PODN: variants seen among roughly 807,000 people sequenced by gnomAD.
PODN encodes podocan.
In PODN, 40 loss-of-function variants were observed where a neutral mutation model predicts 52.7. The ratio of observed to expected loss-of-function variants is 0.76; its 90% CI spans 0.59 to 0.99. The LOEUF is 0.99. PODN is among the 50% of genes least tolerant of loss of function. PODN has a pLI of 0.00. For missense variants in PODN, 720 were observed against 815.1 expected, an observed-to-expected ratio of 0.88 and a Z score of 1.42; for synonymous variants, 396 against 377.9, an observed-to-expected ratio of 1.05 and a Z score of -0.56.
intron 10 of PODN, among the ~76,000 whole-genome samples, chr1:53,084,241 G>A (rs950959565): frequency 5.3e-5 from 8 of 151,964 alleles, no homozygotes; most frequent in East Asian, 1.9e-4. Context: ...ATGAGGGGCT[G>A]TGGAGTCCTG....
chr1:53,078,293 T>C, intron 7 of PODN, 72 bp from the exon 8 acceptor site: 1 of 1,452,628 alleles, frequency 6.9e-7, no homozygotes. Flanking sequence ...CAGCCACATC[T>C]CTTGGGAATC....
chr1:53,083,208 A>G (rs966313354), intron 10 of PODN, among the ~76,000 whole-genome samples: 1 of 152,128 alleles, frequency 6.6e-6, no homozygotes, highest in Non-Finnish European at 1.5e-5. Flanking sequence ...GAGAGATGAG[A>G]GAGGGCAGAG....
At position 53,070,083 on chromosome 1, in the gene PODN, G is replaced by C; in HGVS notation, c.228G>C (p.Gln76His). The C allele has an allele frequency of 6.2e-7, 1 of 1,613,020 alleles. No individual in the cohort carries two copies. Among genetic ancestry groups the C allele is most frequent in the Non-Finnish European group, 8.5e-7 (1 of 1,180,022 alleles). The change falls in exon 2 of 11, where the codon CAG (glutamine) becomes CAC (histidine). Residue 76 changes from glutamine to histidine, a missense_variant. By Grantham distance (24) the Gln-to-His change is conservative. Coordinates refer to ENST00000312553, the MANE Select transcript of PODN (RefSeq NM_153703.5). The part of the protein sequence containing the change: ...VSCPRDCACS[Q>H]EGVVDCGGID... ...GCCCCCGAGACTGTGCCTGTTCCCA[G>C]GAGGGCGTCGTGGACTGTGGCGGTA...
At position 53,069,899 on chromosome 1, in the gene PODN, C is replaced by T. The variant is rs780589570; in HGVS notation, c.44C>T (p.Pro15Leu). The change falls in exon 2 of 11, where the codon CCA becomes CTA. Residue 15 changes from proline (P) to leucine (L), a missense_variant. By Grantham distance (98) the Pro-to-Leu change is moderately conservative. Coordinates refer to ENST00000312553, the MANE Select transcript of PODN (RefSeq NM_153703.5). ...RVLLLLLLLP[P>L]QLHLGPVLAV... ...CTGCTGCTCCTGCTGCTGCTGCCGC[C>T]ACAGCTGCACCTGGGACCTGTGCTT... is the stretch of plus-strand genomic sequence containing the variant. The T allele has an allele frequency of 1.9e-6, 3 of 1,569,202 alleles. No individual in the cohort carries two copies. Among genetic ancestry groups the T allele is most frequent in the Non-Finnish European group, 2.6e-6 (3 of 1,157,738 alleles).
chr1:53,078,195 A>G (rs1644224952), intron 7 of PODN, among the ~76,000 whole-genome samples, 170 bp from the exon 8 acceptor site: 2 of 152,208 alleles, frequency 1.3e-5, no homozygotes, highest in African/African-American at 4.8e-5. Flanking sequence ...TTCCTACACC[A>G]GAATATCATT....
chr1:53,063,463 A>G lies in PODN; in HGVS notation c.-56+1155A>G, dbSNP rs1643989263. 4 of 985,480 alleles carry G rather than the reference A, an allele frequency of 4.1e-6. No homozygotes were observed. In the South Asian group the frequency reaches 1.4e-4, roughly 35 times the overall value. 61.0% of individuals were successfully genotyped at this position (985,480 alleles called of 1,614,324 possible). ...TGGTCCCGTCCCCTATCCCTCCTTT[A>G]TATAGAAACCTTCCACACTGGGAAG... On this transcript the variant is annotated intron_variant, in intron 1 of 10. Coordinates refer to ENST00000312553, the MANE Select transcript of PODN (RefSeq NM_153703.5).
intron 9 of PODN, 22 bp downstream of exon 9, chr1:53,080,898 TG>T: frequency 6.2e-7 from 1 of 1,612,666 alleles, no homozygotes; most frequent in Middle Eastern, 1.7e-4. Context: ...CTCGCGGCCC[TG>T]TACACACCCC....
chr1:53,062,876 G>A (rs1643978499), intron 1 of PODN, among the ~76,000 whole-genome samples: 1 of 152,256 alleles, frequency 6.6e-6, no homozygotes, highest in Middle Eastern at 3.2e-3. Context: ...CCCGGCCACT[G>A]TGCCGCCCCA....
At chr1:53,082,344 C>T (rs1572280601) in intron 10 of PODN, among the ~76,000 whole-genome samples, 156 bp downstream of exon 10, 1 of 152,126 alleles carries the variant, frequency 6.6e-6, no homozygotes, top group Non-Finnish European at 1.5e-5. Flanking sequence ...TGTACCAGGC[C>T]GTGGGTGAAA....
In PODN at chr1:53,082,137, G is replaced by C; in HGVS notation, c.1818G>C (p.Glu606Asp). Residue 606 changes from glutamate (E) to aspartate (D), a missense_variant, in exon 10 of 11, where the codon GAG becomes GAC. Physicochemically the swap from Glu to Asp is conservative, Grantham distance 45 (BLOSUM62 2). Coordinates refer to ENST00000312553, the MANE Select transcript of PODN (RefSeq NM_153703.5). ...GKEKEEEEEE[E>D]EEEEETR ...AAAAGGAGGAGGAGGAAGAGGAGGA[G>C]GAGGAGGAAGAGGAAACAAGATAGT... 2.5e-6 allele frequency: 4 copies of C among 1,612,306 alleles called. No individual in the cohort carries two copies. The highest frequency in any genetic ancestry group is 3.4e-6 in the Non-Finnish European group (4 of 1,179,374).
chr1:53,083,570 T>A (rs1644324087), intron 10 of PODN, among the ~76,000 whole-genome samples: 1 of 152,194 alleles, frequency 6.6e-6, no homozygotes, highest in Non-Finnish European at 1.5e-5. Flanking sequence ...ATCCCTCCAG[T>A]CTTCCGTTTT....
intron 6 of PODN, 121 bp from the exon 7 acceptor site, chr1:53,077,564 T>G: frequency 8.6e-7 from 1 of 1,162,516 alleles, no homozygotes; most frequent in East Asian, 2.4e-5. Context: ...ACACCTGGGT[T>G]GCTTCAGGTC....
chr1:53,073,136 C>A, intron 3 of PODN: 1 of 224,076 alleles, frequency 4.5e-6, no homozygotes, highest in African/African-American at 2.3e-5. Context: ...GCCCAGAATT[C>A]CTGATACCTG....
At position 53,078,830 on chromosome 1, in the gene PODN, C is replaced by T; in HGVS notation, c.1320C>T (p.Asn440=). 1 of 1,612,844 alleles carries T rather than the reference C, an allele frequency of 6.2e-7. No homozygotes were observed. Among genetic ancestry groups the T allele is most frequent in the Non-Finnish European group, 8.5e-7 (1 of 1,179,720 alleles). ...RLLRSLDLSG[N]RLHTLPPGLP... ...TGCGCTCGCTGGACCTGTCGGGCAA[C>T]CGGCTGCACACGCTGCCACCTGGGC... is the stretch of plus-strand genomic sequence containing the variant. The change falls in exon 8 of 11, where the codon AAC becomes AAT. Residue 440 remains asparagine (N), a synonymous_variant. Coordinates refer to ENST00000312553, the MANE Select transcript of PODN (RefSeq NM_153703.5).
At chr1:53,080,452 G>A (rs1297346038) in intron 8 of PODN, among the ~76,000 whole-genome samples, 2 of 152,214 alleles carry the variant, frequency 1.3e-5, no homozygotes, top group Non-Finnish European at 2.9e-5. Flanking sequence ...GAAGGCACAA[G>A]AAGCTGGGTA....
chr1:53,070,140 T>G lies in PODN; in HGVS notation c.285T>G (p.Pro95=). 1 of 1,610,542 alleles carries G rather than the reference T, an allele frequency of 6.2e-7. No homozygotes were observed. Among genetic ancestry groups the G allele is most frequent in the Non-Finnish European group, 8.5e-7 (1 of 1,179,988 alleles). The change falls in exon 2 of 11, where the codon CCT becomes CCG. Residue 95 remains proline, a synonymous_variant. Coordinates refer to ENST00000312553, the MANE Select transcript of PODN (RefSeq NM_153703.5). The part of the protein sequence containing the change: ...IDLREFPGDL[P]EHTNHLSLQN... Reference sequence around the variant, plus strand: ...TGCGTGAGTTCCCGGGGGACCTGCCTGAGCACACCAACCACCTATCTCTGC... The same window carrying G: ...TGCGTGAGTTCCCGGGGGACCTGCCGGAGCACACCAACCACCTATCTCTGC...
intron 1 of PODN, among the ~76,000 whole-genome samples, chr1:53,064,351 G>A (rs17107792): frequency 0.069 from 10,473 of 152,292 alleles, 712 homozygotes; most frequent in Admixed American, 0.19. Context: ...CTGAGCAGGG[G>A]CATTTCAGCA....
At chr1:53,065,226 C>T (rs1171368376) in intron 1 of PODN, among the ~76,000 whole-genome samples, 1 of 152,130 alleles carries the variant, frequency 6.6e-6, no homozygotes, top group Non-Finnish European at 1.5e-5. Context: ...TGTGGAGGCA[C>T]ATGCCTGTAG....
chr1:53,073,846 C>T (rs1370675268), intron 3 of PODN: 1 of 152,242 alleles, frequency 6.6e-6, no homozygotes, highest in Non-Finnish European at 1.5e-5. Flanking sequence ...GCAGCCAGCA[C>T]CACAGTCCAG....
Sources: gnomAD v4.1 joint callset for allele counts (sites outside exome capture counted in the v4.1 genomes callset) on GRCh38, gnomAD v4.1.1 for gene constraint, MANE v1.5 for transcripts, NCBI Gene and HGNC (gene_info 2026-07-23, HGNC 2026-07-21) for gene names.